ELOVL5: variants seen among roughly 807,000 people sequenced by gnomAD.
The protein encoded by ELOVL5 is very long chain fatty acid elongase 5.
In ELOVL5, 8 loss-of-function variants were observed where a neutral mutation model predicts 38.6. That is an observed-to-expected ratio of 0.21 (90% CI 0.12 to 0.37). The LOEUF is 0.37. Among genes scored for constraint, ELOVL5 ranks in the 10% least tolerant of loss-of-function variants. ELOVL5 has a pLI of 1.00. For synonymous variants in ELOVL5, 127 were observed against 133.7 expected, an observed-to-expected ratio of 0.95 and a Z score of 0.34; for missense variants, 280 against 367.8, an observed-to-expected ratio of 0.76 and a Z score of 1.95.
At chr6:53,295,776 AAAG>A (rs1766971141) in intron 1 of ELOVL5, 69 bp from the exon 2 acceptor site, 1 of 983,502 alleles carries the variant, frequency 1.0e-6, no homozygotes, top group South Asian at 1.6e-5. Flanking sequence ...TTTTTTCATA[AAAG>A]AATAAATTCT....
rs530550082 is a variant in ELOVL5, at chr6:53,313,413, T to G, written c.-8-17706A>C. Among the ~76,000 whole-genome samples, 6 of 152,260 alleles carry G rather than the reference T, an allele frequency of 3.9e-5. No individual in the cohort carries two copies. The South Asian group carries it at 1.2e-3, about 32-fold the overall frequency. ...CATCACTCTGTCTCCCAGGCTAGAG[T>G]GCAGTGGCACAATGATGGCTCACTG... On this transcript the variant is annotated intron_variant, in intron 1 of 7. Coordinates refer to ENST00000304434, the MANE Select transcript of ELOVL5 (RefSeq NM_021814.5).
chr6:53,271,453 G>C lies in ELOVL5; in HGVS notation c.622-726C>G, dbSNP rs146167280. Among the ~76,000 whole-genome samples, 259 of 152,256 alleles carry C rather than the reference G, an allele frequency of 1.7e-3. 2 individuals are homozygous for C. The highest frequency in any genetic ancestry group is 6.0e-3 in the African/African-American group (249 of 41,536). The stretch of plus-strand genomic sequence containing the variant: ...TAGTCCCAGCTACTTGGGAGGCTGA[G>C]ATAGGAGAATTGCTTGAACCCAGGA... On this transcript the variant is annotated intron_variant, in intron 6 of 7. Coordinates refer to ENST00000304434, the MANE Select transcript of ELOVL5 (RefSeq NM_021814.5).
At chr6:53,336,451 G>C (rs995655698) in intron 1 of ELOVL5, among the ~76,000 whole-genome samples, 1 of 152,200 alleles carries the variant, frequency 6.6e-6, no homozygotes, top group Non-Finnish European at 1.5e-5. Flanking sequence ...CTTGAGCCTA[G>C]GAATTCAAGA....
chr6:53,286,865 A>G (rs988314271), intron 3 of ELOVL5, among the ~76,000 whole-genome samples: 2 of 152,200 alleles, frequency 1.3e-5, no homozygotes, highest in Non-Finnish European at 2.9e-5. Context: ...GTATACATAT[A>G]TATGTAGTAA....
At chr6:53,327,650 G>A (rs1156287838) in intron 1 of ELOVL5, among the ~76,000 whole-genome samples, 1 of 152,172 alleles carries the variant, frequency 6.6e-6, no homozygotes, top group Non-Finnish European at 1.5e-5. Flanking sequence ...ATGCCACTGA[G>A]TTGAACATTT....
intron 1 of ELOVL5, among the ~76,000 whole-genome samples, chr6:53,319,122 T>C (rs1768174767): frequency 6.6e-6 from 1 of 151,320 alleles, no homozygotes; most frequent in Non-Finnish European, 1.5e-5. Flanking sequence ...ATACAAAAAA[T>C]TAGCTGGGCG....
chr6:53,276,397 G>T (rs1042119545), intron 3 of ELOVL5, 141 bp from the exon 4 acceptor site: 2 of 623,834 alleles, frequency 3.2e-6, no homozygotes, highest in Non-Finnish European at 5.8e-6. Flanking sequence ...ACAATTGTAG[G>T]CAAGTGTAAA....
chr6:53,302,246 C>G (rs1767285910), intron 1 of ELOVL5, among the ~76,000 whole-genome samples: 1 of 152,220 alleles, frequency 6.6e-6, no homozygotes, highest in Non-Finnish European at 1.5e-5. Context: ...AGTATATGCC[C>G]AGGTGAATCA....
chr6:53,323,329 T>C (rs1768372359), intron 1 of ELOVL5, among the ~76,000 whole-genome samples: 1 of 152,184 alleles, frequency 6.6e-6, no homozygotes, highest in African/African-American at 2.4e-5. Flanking sequence ...AATGGTTACA[T>C]TAATTACAAC....
chr6:53,312,443 T>C (rs1767881905), intron 1 of ELOVL5, among the ~76,000 whole-genome samples: 1 of 152,208 alleles, frequency 6.6e-6, no homozygotes, highest in South Asian at 2.1e-4. Context: ...GCCATCCATT[T>C]ATAAAACACT....
At chr6:53,290,715 C>T (rs1224580619) in intron 3 of ELOVL5, among the ~76,000 whole-genome samples, 1 of 152,084 alleles carries the variant, frequency 6.6e-6, no homozygotes, top group Non-Finnish European at 1.5e-5. Context: ...CTCTGATAAT[C>T]AAATATGCCT....
chr6:53,328,152 T>C (rs540086770), intron 1 of ELOVL5, among the ~76,000 whole-genome samples: 5 of 152,332 alleles, frequency 3.3e-5, no homozygotes, highest in African/African-American at 4.8e-5. Context: ...ACCTTTGGCA[T>C]TGCACTGCCC....
intron 6 of ELOVL5, among the ~76,000 whole-genome samples, chr6:53,271,497 CCGAGATCGCG>C (rs1765929936): frequency 6.6e-6 from 1 of 152,104 alleles, no homozygotes; most frequent in Non-Finnish European, 1.5e-5. Flanking sequence ...TTGCAGCGAA[CCGAGATCGCG>C]CCACTGCACT....
intron 1 of ELOVL5, among the ~76,000 whole-genome samples, chr6:53,337,939 C>T (rs1769147327): frequency 6.6e-6 from 1 of 152,196 alleles, no homozygotes; most frequent in Admixed American, 6.5e-5. Context: ...AGAACACAAG[C>T]ATTGCTTCCA....
At chr6:53,312,676 G>A (rs1049110450) in intron 1 of ELOVL5, among the ~76,000 whole-genome samples, 5 of 152,012 alleles carry the variant, frequency 3.3e-5, no homozygotes, top group African/African-American at 9.7e-5. Context: ...AGAGTACTTG[G>A]GATCTCTGTA....
At chr6:53,277,910 T>C (rs1766201922) in intron 3 of ELOVL5, among the ~76,000 whole-genome samples, 1 of 152,242 alleles carries the variant, frequency 6.6e-6, no homozygotes, top group South Asian at 2.1e-4. Flanking sequence ...AACTACCTCC[T>C]GTGGCTTGAG....
intron 3 of ELOVL5, among the ~76,000 whole-genome samples, chr6:53,289,768 A>G (rs571339689): frequency 7.9e-5 from 12 of 152,352 alleles, no homozygotes; most frequent in Admixed American, 1.3e-4. Context: ...TTGAAGTTTG[A>G]AAAAGGACAC....
At chr6:53,280,289 C>T (rs1052375115) in intron 3 of ELOVL5, among the ~76,000 whole-genome samples, 32 of 152,144 alleles carry the variant, frequency 2.1e-4, no homozygotes, top group Non-Finnish European at 4.4e-5. Flanking sequence ...CACTACCTAA[C>T]GAAATTTTCC....
intron 3 of ELOVL5, among the ~76,000 whole-genome samples, chr6:53,285,690 C>T (rs914320867): frequency 6.6e-6 from 1 of 152,200 alleles, no homozygotes; most frequent in African/African-American, 2.4e-5. Context: ...CTCACCGGAA[C>T]CTTGAGCTCC....
Sources: allele counts gnomAD v4.1 joint callset (sites outside exome capture counted in the v4.1 genomes callset), GRCh38; gene constraint gnomAD v4.1.1; transcripts MANE v1.5; gene names NCBI Gene and HGNC (gene_info 2026-07-23, HGNC 2026-07-21).